Variants in MAML2 observed in about 807,000 individuals in gnomAD.
The protein encoded by MAML2 is mastermind like transcriptional coactivator 2.
MAML2 carries 22 observed loss-of-function variants against 96.1 expected under a neutral mutation model. That is an observed-to-expected ratio of 0.23 (90% CI 0.16 to 0.33). The LOEUF is 0.33. Among genes scored for constraint, MAML2 ranks in the 10% least tolerant of loss-of-function variants. The probability of loss-of-function intolerance (pLI) is 1.00; values close to 1 mark genes in which losing one functional copy is unlikely to be tolerated. For missense variants in MAML2, 1,367 were observed against 1,392.4 expected, an observed-to-expected ratio of 0.98 and a Z score of 0.29; for synonymous variants, 561 against 521.3, an observed-to-expected ratio of 1.08 and a Z score of -1.04.
At chr11:96,257,532 C>T (rs1028002962) in intron 1 of MAML2, among the ~76,000 whole-genome samples, 5 of 152,218 alleles carry the variant, frequency 3.3e-5, no homozygotes, top group Non-Finnish European at 5.9e-5. Context: ...ACTTCCCTTT[C>T]AAGGTATTTG....
chr11:96,265,843 C>G (rs962428432), intron 1 of MAML2, among the ~76,000 whole-genome samples: 21 of 152,222 alleles, frequency 1.4e-4, no homozygotes, highest in African/African-American at 4.8e-4. Context: ...ATGGCTCCCC[C>G]ATCTGCTGAG....
At chr11:96,010,057 A>G (rs1305197386) in intron 2 of MAML2, among the ~76,000 whole-genome samples, 11 of 152,200 alleles carry the variant, frequency 7.2e-5, no homozygotes, top group Non-Finnish European at 2.9e-5. Flanking sequence ...TGCAAACTGT[A>G]ATATGTCTTA....
chr11:96,233,911 C>T (rs1415316692), intron 1 of MAML2, among the ~76,000 whole-genome samples: 2 of 152,188 alleles, frequency 1.3e-5, no homozygotes, highest in Non-Finnish European at 2.9e-5. Flanking sequence ...TGCACCTGCT[C>T]AGAAGAAGTG....
chr11:96,238,001 C>A (rs772706406), intron 1 of MAML2, among the ~76,000 whole-genome samples: 1 of 152,194 alleles, frequency 6.6e-6, no homozygotes, highest in Non-Finnish European at 1.5e-5. Flanking sequence ...TGGACAAAGT[C>A]TAATGCTTTC....
chr11:96,008,080 T>G lies in MAML2; in HGVS notation c.2140-16357A>C, dbSNP rs193125581. Among the ~76,000 whole-genome samples the G allele has an allele frequency of 3.9e-5, 6 of 152,124 alleles. No homozygotes were observed. In the East Asian group the frequency reaches 1.2e-3, roughly 29 times the overall value. ...ACGAATATCAATATTACATATCATA[T>G]AACAACATGTTTTACCTGGGAGTAC... On this transcript the variant is annotated intron_variant, in intron 2 of 4. Coordinates refer to ENST00000524717, the MANE Select transcript of MAML2 (RefSeq NM_032427.4).
At chr11:96,072,432 T>A (rs542768156) in intron 2 of MAML2, among the ~76,000 whole-genome samples, 1 of 152,348 alleles carries the variant, frequency 6.6e-6, no homozygotes, top group South Asian at 2.1e-4. Flanking sequence ...GAGTAGTGAA[T>A]GAACTTAGAG....
At chr11:96,305,018 G>T (rs927550300) in intron 1 of MAML2, among the ~76,000 whole-genome samples, 1 of 152,172 alleles carries the variant, frequency 6.6e-6, no homozygotes, top group African/African-American at 2.4e-5. Flanking sequence ...AAAGGAATTA[G>T]AGATGCACCA....
intron 2 of MAML2, among the ~76,000 whole-genome samples, chr11:96,006,872 TACACAC>T (rs57492080): frequency 0.28 from 34,926 of 123,752 alleles, 4,342 homozygotes; most frequent in South Asian, 0.4. Flanking sequence ...GAATATCTTA[TACACAC>T]ACACACACAC....
At position 96,150,424 on chromosome 11, in the gene MAML2, A is replaced by G. The variant is rs572118842; in HGVS notation, c.514-56907T>C. Among the ~76,000 whole-genome samples the G allele has an allele frequency of 3.2e-3, 481 of 152,280 alleles. 2 individuals carry two copies. The highest frequency in any genetic ancestry group is 0.01 in the Middle Eastern group (3 of 294). ...GTGCCCGGGAAGACTTCTGGGAAGTAGTGACACTTACCTTGAATCCTATGG... is the reference window on the plus strand; with the variant it reads ...GTGCCCGGGAAGACTTCTGGGAAGTGGTGACACTTACCTTGAATCCTATGG... On this transcript the variant is annotated intron_variant, in intron 1 of 4. Coordinates refer to ENST00000524717, the MANE Select transcript of MAML2 (RefSeq NM_032427.4).
Position 96,092,090 on chromosome 11 carries a change from CTGT to C in MAML2, c.1938_1940del (p.Gln665del), listed in dbSNP as rs748294056. The C allele has an allele frequency of 1.4e-4, 210 of 1,543,334 alleles. 5 individuals are homozygous for C. The South Asian group carries it at 2.4e-3, about 18-fold the overall frequency. On this transcript the variant is annotated inframe_deletion, in exon 2 of 5. Coordinates refer to ENST00000524717, the MANE Select transcript of MAML2 (RefSeq NM_032427.4). The surrounding 1 kb of genome is among the most constrained non-coding windows in gnomAD (Gnocchi z 4.1). ...GCTGTTGTTGTTGCTGCTGCTGCTG[CTGT>C]TGTTGCTGCTGCTGCTGCTGTTGGG...
At chr11:96,171,480 G>C (rs916839885) in intron 1 of MAML2, among the ~76,000 whole-genome samples, 1 of 151,954 alleles carries the variant, frequency 6.6e-6, no homozygotes, top group Non-Finnish European at 1.5e-5. Flanking sequence ...CTATTCCCAG[G>C]GCCCCAGTAA....
intron 1 of MAML2, among the ~76,000 whole-genome samples, chr11:96,246,570 G>A (rs1862515170): frequency 6.6e-6 from 1 of 152,058 alleles, no homozygotes; most frequent in Non-Finnish European, 1.5e-5. Context: ...GCCATTTCAG[G>A]TACACTACAG....
intron 1 of MAML2, among the ~76,000 whole-genome samples, chr11:96,329,700 C>A (rs1478592174): frequency 1.3e-5 from 2 of 152,214 alleles, no homozygotes; most frequent in Non-Finnish European, 2.9e-5. Flanking sequence ...CTGACCAGTA[C>A]TCTCATACAG....
In MAML2 at chr11:96,258,552, G is replaced by T. The variant is rs146538930; in HGVS notation, c.513+82831C>A. On this transcript the variant is annotated intron_variant, in intron 1 of 4. Coordinates refer to ENST00000524717, the MANE Select transcript of MAML2 (RefSeq NM_032427.4). Reference sequence around the variant, plus strand: ...GTGATTTGCAATGGGCTTCTCCAAAGAAGAAAATCACATTCACCCACTGGA... The same window carrying T: ...GTGATTTGCAATGGGCTTCTCCAAATAAGAAAATCACATTCACCCACTGGA... Among the ~76,000 whole-genome samples the T allele has an allele frequency of 1.3e-4, 20 of 152,288 alleles. No individual in the cohort carries two copies. In the East Asian group the frequency reaches 3.7e-3, roughly 28 times the overall value.
chr11:96,007,213 A>G (rs1858196465), intron 2 of MAML2, among the ~76,000 whole-genome samples: 1 of 148,280 alleles, frequency 6.7e-6, no homozygotes, highest in Admixed American at 6.8e-5. Context: ...AGGTTTCACC[A>G]TGTTGGCCAG....
chr11:96,014,176 G>A (rs1858308175), intron 2 of MAML2, among the ~76,000 whole-genome samples: 1 of 152,168 alleles, frequency 6.6e-6, no homozygotes, highest in South Asian at 2.1e-4. Context: ...AATCTTTCTT[G>A]TCTCAAAAGT....
intron 1 of MAML2, among the ~76,000 whole-genome samples, chr11:96,309,147 T>G (rs1326722411): frequency 6.6e-6 from 1 of 152,122 alleles, no homozygotes; most frequent in Non-Finnish European, 1.5e-5. Flanking sequence ...TGTTTTTGGG[T>G]TTTTGGAGAG....
intron 1 of MAML2, among the ~76,000 whole-genome samples, chr11:96,165,765 G>A (rs566354575): frequency 1.1e-4 from 17 of 152,220 alleles, no homozygotes; most frequent in Admixed American, 2.6e-4. Context: ...ATTTCCTGGG[G>A]GCAACCCAGG....
At chr11:96,054,533 G>A (rs888927060) in intron 2 of MAML2, among the ~76,000 whole-genome samples, 23 of 152,154 alleles carry the variant, frequency 1.5e-4, no homozygotes, top group Admixed American at 1.4e-3. Flanking sequence ...GGAGCAGTGT[G>A]GGAGTGTGAC....
Sources: gnomAD v4.1 joint callset for allele counts (sites outside exome capture counted in the v4.1 genomes callset) on GRCh38, gnomAD v4.1.1 for gene constraint, Gnocchi (gnomAD v3.1) non-coding constraint, MANE v1.5 for transcripts, NCBI Gene and HGNC (gene_info 2026-07-23, HGNC 2026-07-21) for gene names.